Variants in INTS6 observed in about 807,000 individuals in gnomAD.
INTS6 encodes the protein integrator complex subunit 6.
Under a neutral mutation model 104.9 loss-of-function variants are expected in INTS6, and 16 were observed. The observed-to-expected ratio is 0.15, with a 90% confidence interval of 0.10 to 0.23. The LOEUF is 0.23. Ranked by LOEUF, INTS6 falls within the 10% of genes least tolerant of loss-of-function variation. The probability of loss-of-function intolerance (pLI) is 1.00; values close to 1 mark genes in which losing one functional copy is unlikely to be tolerated. For synonymous variants in INTS6, 324 were observed against 358.7 expected (o/e 0.90, Z 1.09); for missense variants, 584 against 1,062.8 (o/e 0.55, Z 6.26).
chr13:51,452,341 C>A lies in INTS6; in HGVS notation c.111+74G>T. 10 of 1,287,220 alleles carry A rather than the reference C, an allele frequency of 7.8e-6. No homozygotes were observed. Among genetic ancestry groups the A allele is most frequent in the Non-Finnish European group, 9.9e-6 (10 of 1,015,056 alleles). 79.7% of individuals were successfully genotyped at this position (1,287,220 alleles called of 1,614,324 possible). A position where few individuals can be genotyped will look rare whatever the true frequency, so the allele number is the denominator to read the frequency against. On this transcript the variant is annotated intron_variant, in intron 1 of 17. Coordinates refer to ENST00000311234, the MANE Select transcript of INTS6 (RefSeq NM_012141.3). This position sits in a 1 kb window ranked among gnomAD's most constrained non-coding sequence, Gnocchi z 4.2. ...AGTCAGGTCCCCGACACCCCCGCCCCGGCCGCCCTCCCCCACCCTGCCGCC... is the reference window on the plus strand; with the variant it reads ...AGTCAGGTCCCCGACACCCCCGCCCAGGCCGCCCTCCCCCACCCTGCCGCC...
intron 4 of INTS6, among the ~76,000 whole-genome samples, chr13:51,405,515 AT>A (rs911342187): frequency 6.6e-6 from 1 of 150,616 alleles, no homozygotes; most frequent in Non-Finnish European, 1.5e-5. Flanking sequence ...CCTACTGTTA[AT>A]TTTTTTTTCA....
At chr13:51,426,909 T>C (rs1308252980) in intron 4 of INTS6, among the ~76,000 whole-genome samples, 1 of 152,166 alleles carries the variant, frequency 6.6e-6, no homozygotes, top group African/African-American at 2.4e-5. Flanking sequence ...TTGGAATTGA[T>C]AAATTCTAAT....
chr13:51,417,846 A>G (rs1169563955), intron 4 of INTS6, among the ~76,000 whole-genome samples: 1 of 152,182 alleles, frequency 6.6e-6, no homozygotes, highest in African/African-American at 2.4e-5. Flanking sequence ...TAGACTCTCA[A>G]TTCTATCTCA....
chr13:51,395,824 C>A (rs1190452995), intron 4 of INTS6, among the ~76,000 whole-genome samples: 1 of 152,036 alleles, frequency 6.6e-6, no homozygotes, highest in East Asian at 1.9e-4. Flanking sequence ...TTTTTCTTTT[C>A]TTTTCTTTTC....
intron 3 of INTS6, chr13:51,440,926 G>A (rs1426629843): frequency 2.0e-5 from 3 of 152,132 alleles, no homozygotes; most frequent in Admixed American, 2.0e-4. Context: ...TTCTGTTTTT[G>A]TCAAAGGTTT....
rs1407123606 is a variant in INTS6 at position 51,362,239 on chromosome 13, T to C, written c.*3513A>G. ...CTTGCCCTTTTTTCCCTTTGTCCCC[T>C]AGCTTTCTTATCATTTTAGAGTTTT... On this transcript the variant is annotated 3_prime_UTR_variant, in exon 18 of 18. Transcript: ENST00000311234. The C allele has an allele frequency of 2.3e-6, 1 of 436,970 alleles. No individual in the cohort carries two copies. Among genetic ancestry groups the C allele is most frequent in the African/African-American group, 2.1e-5 (1 of 47,538 alleles). 27.1% of individuals were successfully genotyped at this position (436,970 alleles called of 1,614,324 possible).
intron 4 of INTS6, among the ~76,000 whole-genome samples, chr13:51,403,002 T>C (rs1593713080): frequency 6.6e-6 from 1 of 152,210 alleles, no homozygotes; most frequent in East Asian, 1.9e-4. Context: ...GTAGATAAAC[T>C]ACGCCAAATA....
the INTS6 span, among the ~76,000 whole-genome samples, chr13:51,342,178 CAAAAAAAAAAAA>C: frequency 9.4e-5 from 6 of 63,582 alleles, no homozygotes; most frequent in South Asian, 6.3e-4. Context: ...AAAGACAGAA[CAAAAAAAAAAAA>C]AAAAAAAAAA....
At position 51,369,162 on chromosome 13, in the gene INTS6, A is replaced by G. The variant is rs1456917814; in HGVS notation, c.2253T>C (p.His751=). 1.2e-5 allele frequency: 19 copies of G among 1,613,682 alleles called. No individual in the cohort carries two copies. Among genetic ancestry groups the G allele is most frequent in the Non-Finnish European group, 1.6e-5 (19 of 1,179,824 alleles). ...AATGGTCATGACCAAGAGCCTCCAT[A>G]TGATTGGTTGGCCGTTCCAGTAAAC... ...PASLLERPTN[H]MEALGHDHLG... The change falls in exon 16 of 18, where the codon CAT becomes CAC. Residue 751 remains histidine (H), a synonymous_variant. Coordinates refer to ENST00000311234, the MANE Select transcript of INTS6 (RefSeq NM_012141.3).
chr13:51,354,433 CATTAAAT>C (rs1955449229), intron 3 of INTS6: 1 of 151,930 alleles, frequency 6.6e-6, no homozygotes, highest in South Asian at 2.1e-4. Context: ...TGTAAGCACT[CATTAAAT>C]ATTAATTTTT....
At chr13:51,354,014 C>A (rs1955440820), downstream of INTS6, 1 of 152,082 alleles carries the variant, frequency 6.6e-6, no homozygotes, top group African/African-American at 2.4e-5. Context: ...ACTAGGAAAA[C>A]CAAGGCTTTA....
chr13:51,411,203 A>G (rs1956679696), intron 4 of INTS6, among the ~76,000 whole-genome samples: 1 of 148,612 alleles, frequency 6.7e-6, no homozygotes, highest in South Asian at 2.1e-4. Flanking sequence ...ACAGAGTGAG[A>G]CTTTGTCTCA....
Position 51,451,010 on chromosome 13 carries a change from T to G in INTS6, c.339+15A>C. 6.7e-7 allele frequency: 1 copy of G among 1,490,544 alleles called. No individual in the cohort carries two copies. Among genetic ancestry groups the G allele is most frequent in the Non-Finnish European group, 8.9e-7 (1 of 1,119,176 alleles). The allele number at this position is 1,490,544 out of a possible 1,614,324, so 92.3% of individuals were successfully genotyped here. A position where few individuals can be genotyped will look rare whatever the true frequency, so the allele number is the denominator to read the frequency against. ...TGAAAAATCAACTATTTTGCCACCT[T>G]ATTATTCAACCTACCTGCCCATAGT... On this transcript the variant is annotated intron_variant, in intron 3 of 17. Coordinates refer to ENST00000311234, the MANE Select transcript of INTS6 (RefSeq NM_012141.3).
intron 11 of INTS6, among the ~76,000 whole-genome samples, chr13:51,379,124 A>C (rs767977140): frequency 1.3e-5 from 2 of 151,952 alleles, no homozygotes; most frequent in African/African-American, 2.4e-5. Context: ...GCAGGTTTCA[A>C]AACATAAAGA....
At chr13:51,372,158 G>T (rs533030964) in intron 15 of INTS6, among the ~76,000 whole-genome samples, 208 of 152,152 alleles carry the variant, frequency 1.4e-3, no homozygotes, top group Middle Eastern at 0.014. Context: ...TTAACTGGTC[G>T]TTTATACTCA....
At chr13:51,417,040 T>A (rs1956800186) in intron 4 of INTS6, among the ~76,000 whole-genome samples, 1 of 152,240 alleles carries the variant, frequency 6.6e-6, no homozygotes, top group Non-Finnish European at 1.5e-5. Flanking sequence ...AAATGTCTAA[T>A]CAAATCCTTT....
Position 51,378,227 on chromosome 13 carries a change from C to A in INTS6, c.1602+12G>T. ...AACATAACTAGAGTAGCACTAAATT[C>A]ATGATTATTACCTTATTCAGCAAAG... On this transcript the variant is annotated intron_variant, in intron 12 of 17. Transcript: ENST00000311234. 6.3e-7 allele frequency: 1 copy of A among 1,583,262 alleles called. No homozygotes were observed. The highest frequency in any genetic ancestry group is 8.7e-7 in the Non-Finnish European group (1 of 1,152,406).
downstream of INTS6, chr13:51,361,477 G>C (rs554741897): frequency 4.2e-6 from 3 of 715,448 alleles, no homozygotes. Context: ...GTTCAGGTGT[G>C]GTGTAGTATT....
At chr13:51,346,177 A>G in the INTS6 span, among the ~76,000 whole-genome samples, 1 of 152,238 alleles carries the variant, frequency 6.6e-6, no homozygotes, top group South Asian at 2.1e-4. Context: ...AGCTGGGACA[A>G]AAACTATCCC....
Sources: gnomAD v4.1 joint callset for allele counts (sites outside exome capture counted in the v4.1 genomes callset) on GRCh38, gnomAD v4.1.1 for gene constraint, Gnocchi (gnomAD v3.1) non-coding constraint, MANE v1.5 for transcripts, NCBI Gene and HGNC (gene_info 2026-07-23, HGNC 2026-07-21) for gene names.